SORCS3: variants seen among roughly 807,000 people sequenced by gnomAD.
SORCS3 encodes the protein VPS10 domain-containing receptor SorCS3.
Under a neutral mutation model 146.3 loss-of-function variants are expected in SORCS3, and 57 were observed. The ratio of observed to expected loss-of-function variants is 0.39; its 90% CI spans 0.31 to 0.49. The LOEUF is 0.49. Ranked by LOEUF, SORCS3 falls within the 20% of genes least tolerant of loss-of-function variation. The probability of loss-of-function intolerance (pLI) is 0.92; values close to 1 mark genes in which losing one functional copy is unlikely to be tolerated. For synonymous variants in SORCS3, 653 were observed against 618.5 expected (o/e 1.06, Z -0.83); for missense variants, 1,341 against 1,575.5 (o/e 0.85, Z 2.52).
At chr10:104,642,017 G>GGC in intron 1 of SORCS3, 63 bp downstream of exon 1, 1 of 632,546 alleles carries the variant, frequency 1.6e-6, no homozygotes, top group South Asian at 1.7e-5. Context: ...TGGGGGGGTG[G>GGC]GTGGGAGCGA....
chr10:104,928,529 G>GTTT (rs112450978), intron 3 of SORCS3, among the ~76,000 whole-genome samples: 1 of 151,380 alleles, frequency 6.6e-6, no homozygotes, highest in African/African-American at 2.4e-5. Context: ...GAAATGACTC[G>GTTT]ATTTTTTTTT....
chr10:105,132,882 G>A (rs774167996), intron 7 of SORCS3, among the ~76,000 whole-genome samples: 9 of 152,272 alleles, frequency 5.9e-5, no homozygotes, highest in South Asian at 2.1e-4. Flanking sequence ...AGGTGTCACC[G>A]AAAGGAAAAG....
intron 5 of SORCS3, among the ~76,000 whole-genome samples, chr10:105,081,488 G>A (rs572959626): frequency 2.0e-5 from 3 of 152,308 alleles, no homozygotes; most frequent in African/African-American, 4.8e-5. Context: ...TGTTTCTGAG[G>A]TTGTAGCGTC....
chr10:105,186,502 G>A (rs568992349), intron 14 of SORCS3, among the ~76,000 whole-genome samples: 247 of 142,820 alleles, frequency 1.7e-3, no homozygotes, highest in Non-Finnish European at 3.2e-3. Context: ...TTGACATAAA[G>A]TAGGAAACTG....
chr10:105,134,731 C>T (rs773405921), intron 7 of SORCS3, among the ~76,000 whole-genome samples: 7 of 152,086 alleles, frequency 4.6e-5, no homozygotes, highest in Admixed American at 6.6e-5. Flanking sequence ...CAGAAACAAT[C>T]GGCCCATAGC....
At chr10:105,111,719 A>C (rs2133757700) in intron 7 of SORCS3, among the ~76,000 whole-genome samples, 1 of 152,344 alleles carries the variant, frequency 6.6e-6, no homozygotes, top group South Asian at 2.1e-4. Flanking sequence ...ACATAACTAA[A>C]CAAATATAAT....
intron 7 of SORCS3, among the ~76,000 whole-genome samples, chr10:105,115,500 G>A (rs1314945187): frequency 2.6e-5 from 4 of 152,224 alleles, no homozygotes; most frequent in African/African-American, 9.6e-5. Context: ...TTCAATTCAT[G>A]TATCAACATA....
At chr10:105,166,838 A>G (rs1171821780) in intron 12 of SORCS3, among the ~76,000 whole-genome samples, 1 of 152,204 alleles carries the variant, frequency 6.6e-6, no homozygotes, top group African/African-American at 2.4e-5. Context: ...CAACACTATA[A>G]AACACAGACT....
rs940118429 is a variant in SORCS3 at position 104,743,826 on chromosome 10, G to A, written c.628-98966G>A. ...GATGTGGATATGAGGACTTGGAAGC[G>A]AGGTTAGGAACAGGAAATTAAAAGC... On this transcript the variant is annotated intron_variant, in intron 1 of 26. Coordinates refer to ENST00000369701, the MANE Select transcript of SORCS3 (RefSeq NM_014978.3). Among the ~76,000 whole-genome samples, 6 of 152,300 alleles carry A rather than the reference G, an allele frequency of 3.9e-5. No homozygotes were observed. In the East Asian group the frequency reaches 7.7e-4, roughly 20 times the overall value.
At chr10:104,805,221 A>G (rs920061816) in intron 1 of SORCS3, among the ~76,000 whole-genome samples, 2 of 152,204 alleles carry the variant, frequency 1.3e-5, no homozygotes, top group African/African-American at 4.8e-5. Flanking sequence ...TATAGGAGAG[A>G]TGCAGATGCA....
chr10:105,189,263 G>A (rs918752973), intron 14 of SORCS3, among the ~76,000 whole-genome samples: 1 of 152,154 alleles, frequency 6.6e-6, no homozygotes, highest in African/African-American at 2.4e-5. Flanking sequence ...GTGGCTCAAT[G>A]AGCAGCATAG....
chr10:105,041,318 T>G (rs2055336495), intron 4 of SORCS3, among the ~76,000 whole-genome samples: 1 of 148,662 alleles, frequency 6.7e-6, no homozygotes, highest in Admixed American at 6.8e-5. Flanking sequence ...AACAAATTGT[T>G]TTATAACCAA....
rs2016195877 is a variant in SORCS3 at position 104,696,397 on chromosome 10, A to ATACAAT, written c.627+54443_627+54444insTACAAT. 3.7e-5 allele frequency among the ~76,000 whole-genome samples: 2 copies of ATACAAT among 54,166 alleles called. 1 individual carries two copies. Among genetic ancestry groups the ATACAAT allele is most frequent in the African/African-American group, 1.1e-4 (2 of 18,292 alleles). The allele number at this position is 54,166 out of a possible 152,430, so 35.5% of individuals were successfully genotyped here. ...ATATAATATATATTATATAATATAT[A>ATACAAT]ATATATAATATAGAATATATATAAT... On this transcript the variant is annotated intron_variant, in intron 1 of 26. Coordinates refer to ENST00000369701, the MANE Select transcript of SORCS3 (RefSeq NM_014978.3).
chr10:105,257,098 T>G (rs74155105), intron 25 of SORCS3, among the ~76,000 whole-genome samples, 174 bp downstream of exon 25: 2,028 of 152,260 alleles, frequency 0.013, 53 homozygotes, highest in African/African-American at 0.046. Flanking sequence ...TAAATGGGTT[T>G]GAGACTCTGA....
intron 7 of SORCS3, among the ~76,000 whole-genome samples, chr10:105,121,059 A>G (rs919580759): frequency 2.0e-5 from 3 of 152,190 alleles, no homozygotes; most frequent in African/African-American, 7.2e-5. Context: ...CCAGGAGACT[A>G]CAAGAGTTTC....
intron 2 of SORCS3, among the ~76,000 whole-genome samples, chr10:104,856,470 A>G (rs1179112309): frequency 7.8e-6 from 1 of 127,496 alleles, no homozygotes; most frequent in Non-Finnish European, 1.6e-5. Flanking sequence ...ACTAATTTAT[A>G]TATATGCCTC....
chr10:104,662,331 T>G (rs1317730979), intron 1 of SORCS3, among the ~76,000 whole-genome samples: 1 of 152,216 alleles, frequency 6.6e-6, no homozygotes, highest in African/African-American at 2.4e-5. Flanking sequence ...TGCCAAACAT[T>G]GAGCTGTAAC....
intron 14 of SORCS3, among the ~76,000 whole-genome samples, chr10:105,186,457 C>T (rs945995462): frequency 2.0e-5 from 3 of 152,268 alleles, no homozygotes; most frequent in Middle Eastern, 3.4e-3. Flanking sequence ...GAACTTTATA[C>T]TTTTTCTGAT....
intron 3 of SORCS3, among the ~76,000 whole-genome samples, chr10:104,935,569 C>A (rs915441343): frequency 6.6e-6 from 1 of 152,132 alleles, no homozygotes. Context: ...TATTTAGTGT[C>A]TTTTGTGTCC....
Sources: allele counts gnomAD v4.1 joint callset (sites outside exome capture counted in the v4.1 genomes callset), GRCh38; gene constraint gnomAD v4.1.1; transcripts MANE v1.5; gene names NCBI Gene and HGNC (gene_info 2026-07-23, HGNC 2026-07-21).